GAS7: variants seen among roughly 807,000 people sequenced by gnomAD.
The protein encoded by GAS7 is growth arrest-specific protein 7.
A neutral mutation model predicts 71.1 loss-of-function variants in GAS7; 28 were observed. The ratio of observed to expected loss-of-function variants is 0.39; its 90% CI spans 0.29 to 0.54. GAS7 has a LOEUF of 0.54. Among genes scored for constraint, GAS7 ranks in the 20% least tolerant of loss-of-function variants. The pLI is 0.62. For missense variants in GAS7, 436 were observed against 627.8 expected (o/e 0.69, Z 3.27); for synonymous variants, 258 against 245.8 (o/e 1.05, Z -0.46).
chr17:10,179,973 T>G (rs909928661), intron 1 of GAS7, among the ~76,000 whole-genome samples: 3 of 152,138 alleles, frequency 2.0e-5, no homozygotes, highest in Non-Finnish European at 4.4e-5. Flanking sequence ...CAGTGGAGCA[T>G]TTACGTTTAG....
chr17:10,152,480 C>G (rs2074173851), intron 1 of GAS7, among the ~76,000 whole-genome samples: 1 of 152,166 alleles, frequency 6.6e-6, no homozygotes, highest in South Asian at 2.1e-4. Flanking sequence ...CCTTAGAGTT[C>G]CCAGTACTTA....
intron 1 of GAS7, among the ~76,000 whole-genome samples, chr17:10,125,721 G>A (rs1482917317): frequency 6.6e-6 from 1 of 151,904 alleles, no homozygotes; most frequent in Non-Finnish European, 1.5e-5. Context: ...CTGTGGGTGG[G>A]AGCCACTGGC....
chr17:10,020,243 C>T (rs2072214346), intron 1 of GAS7: 2 of 225,958 alleles, frequency 8.9e-6, no homozygotes, highest in Non-Finnish European at 1.8e-5. Context: ...ACTCCACCAC[C>T]TCCCATTGTG....
At chr17:10,035,692 C>T (rs974747765) in intron 1 of GAS7, among the ~76,000 whole-genome samples, 4 of 152,092 alleles carry the variant, frequency 2.6e-5, no homozygotes, top group Non-Finnish European at 5.9e-5. Flanking sequence ...TCTTGGAGGT[C>T]CTCCTTTGCA....
At chr17:9,929,312 T>G (rs943550935) in intron 9 of GAS7, among the ~76,000 whole-genome samples, 1 of 152,028 alleles carries the variant, frequency 6.6e-6, no homozygotes. Context: ...CCAGGTTCTG[T>G]GGTCTGGGGA....
chr17:10,134,995 G>C (rs115524554), intron 1 of GAS7, among the ~76,000 whole-genome samples: 4,118 of 152,140 alleles, frequency 0.027, 200 homozygotes, highest in African/African-American at 0.095. Context: ...ACCACGCCCG[G>C]GTAATTCTTG....
At chr17:10,147,460 GA>G (rs2074130492) in intron 1 of GAS7, among the ~76,000 whole-genome samples, 2 of 152,168 alleles carry the variant, frequency 1.3e-5, no homozygotes, top group Admixed American at 6.6e-5. Context: ...CAGACAAAAG[GA>G]AACATCCTCA....
At chr17:9,927,244 T>A (rs1393063090) in intron 9 of GAS7, among the ~76,000 whole-genome samples, 1 of 148,952 alleles carries the variant, frequency 6.7e-6, no homozygotes, top group Non-Finnish European at 1.5e-5. Flanking sequence ...AGGTCAGGAG[T>A]TCGAGACCAG....
At chr17:9,982,823 AG>A (rs11346217) in intron 2 of GAS7, among the ~76,000 whole-genome samples, 14,871 of 89,104 alleles carry the variant, frequency 0.17, 1,051 homozygotes, top group African/African-American at 0.3. Context: ...AAGGAAAGAA[AG>A]GAAAGAAAGA....
chr17:10,047,912 T>A (rs1425964030), intron 1 of GAS7, among the ~76,000 whole-genome samples: 2 of 152,214 alleles, frequency 1.3e-5, no homozygotes, highest in Non-Finnish European at 2.9e-5. Flanking sequence ...AATATTCCAT[T>A]ATTAAAGACC....
At chr17:9,962,374 G>A (rs141779679) in intron 4 of GAS7, among the ~76,000 whole-genome samples, 133 of 152,176 alleles carry the variant, frequency 8.7e-4, no homozygotes, top group African/African-American at 2.9e-3. Context: ...AAATATTACC[G>A]GAAGCTCCTT....
rs748467211 is a variant in GAS7 at position 9,918,043 on chromosome 17, C to A, written c.1275G>T (p.Gln425His). 5.0e-6 allele frequency: 8 copies of A among 1,613,976 alleles called. No homozygotes were observed. The highest frequency in any genetic ancestry group is 6.8e-6 in the Non-Finnish European group (8 of 1,179,862). The change falls in exon 13 of 14, where the codon CAG (glutamine) becomes CAT (histidine). Residue 425 changes from glutamine (Q) to histidine (H), a missense_variant. Physicochemically the swap from Gln to His is conservative, Grantham distance 24. Transcript: ENST00000432992. ...RVEMIRQHLCQYTQLRHETDM... is the reference protein window; with the variant it reads ...RVEMIRQHLCHYTQLRHETDM... Reference sequence around the variant, plus strand: ...CTGTTTCATGCCGCAGCTGCGTGTACTGGCACAGGTGCTGCCGGATCATCT... The same window carrying A: ...CTGTTTCATGCCGCAGCTGCGTGTAATGGCACAGGTGCTGCCGGATCATCT...
intron 3 of GAS7, among the ~76,000 whole-genome samples, chr17:9,980,168 A>AT (rs1354445181): frequency 9.2e-5 from 14 of 152,084 alleles, no homozygotes; most frequent in African/African-American, 3.4e-4. Flanking sequence ...GCCTCAGCTG[A>AT]TTTTCTAGAG....
intron 6 of GAS7, among the ~76,000 whole-genome samples, chr17:9,944,626 A>T (rs1567805114): frequency 6.6e-6 from 1 of 151,916 alleles, no homozygotes; most frequent in Non-Finnish European, 1.5e-5. Context: ...CCGGTGTGGG[A>T]CCCCTCCCTC....
chr17:10,017,674 A>G (rs1597699084), intron 2 of GAS7, among the ~76,000 whole-genome samples: 1 of 152,178 alleles, frequency 6.6e-6, no homozygotes, highest in Non-Finnish European at 1.5e-5. Context: ...TGAAATTCCT[A>G]TTTTCGGATC....
chr17:9,953,881 A>G lies in GAS7; in HGVS notation c.525+5321T>C, dbSNP rs369398925. On this transcript the variant is annotated intron_variant, in intron 5 of 13. Transcript: ENST00000432992. ...AGTGTTGGGTACATAGTGGGTGCTCAGGAGATGTTTCTTGGTGCAGTGGCC... is the reference window on the plus strand; with the variant it reads ...AGTGTTGGGTACATAGTGGGTGCTCGGGAGATGTTTCTTGGTGCAGTGGCC... Among the ~76,000 whole-genome samples, 14 of 152,312 alleles carry G rather than the reference A, an allele frequency of 9.2e-5. No individual in the cohort carries two copies. The East Asian group carries it at 2.3e-3, about 25-fold the overall frequency.
intron 1 of GAS7, among the ~76,000 whole-genome samples, chr17:10,040,426 T>A (rs976445447): frequency 6.6e-6 from 1 of 152,092 alleles, no homozygotes; most frequent in African/African-American, 2.4e-5. Context: ...TTCGATTCTA[T>A]AAAGGAGAAG....
At chr17:9,925,802 C>T (rs1478821872) in intron 10 of GAS7, among the ~76,000 whole-genome samples, 1 of 152,194 alleles carries the variant, frequency 6.6e-6, no homozygotes, top group African/African-American at 2.4e-5. Context: ...GTCCTTGCCT[C>T]TTCCAGTGAC....
intron 1 of GAS7, among the ~76,000 whole-genome samples, chr17:10,180,367 G>A (rs573782548): frequency 6.7e-6 from 1 of 149,562 alleles, no homozygotes; most frequent in Admixed American, 6.7e-5. Context: ...AACTGAGGTA[G>A]AAGTTAAGGT....
Sources: gnomAD v4.1 joint callset for allele counts (sites outside exome capture counted in the v4.1 genomes callset) on GRCh38, gnomAD v4.1.1 for gene constraint, MANE v1.5 for transcripts, NCBI Gene and HGNC (gene_info 2026-07-23, HGNC 2026-07-21) for gene names.